The following ESRRB variants were observed in gnomAD, a reference collection of about 807,000 sequenced individuals.
The protein encoded by ESRRB is steroid hormone receptor ERR2.
In ESRRB, 16 loss-of-function variants were observed where a neutral mutation model predicts 46.0. The observed-to-expected ratio is 0.35, with a 90% CI of 0.24 to 0.53. ESRRB has a LOEUF of 0.53. ESRRB is among the 20% of genes least tolerant of loss of function. The probability of loss-of-function intolerance (pLI) is 0.93; values close to 1 mark genes in which losing one functional copy is unlikely to be tolerated. For synonymous variants in ESRRB, 246 were observed against 259.6 expected, an observed-to-expected ratio of 0.95 and a Z score of 0.50; for missense variants, 488 against 607.4, an observed-to-expected ratio of 0.80 and a Z score of 2.07.
chr14:76,347,203 C>T (rs1335551632), intron 1 of ESRRB, among the ~76,000 whole-genome samples: 1 of 152,140 alleles, frequency 6.6e-6, no homozygotes, highest in African/African-American at 2.4e-5. Context: ...AAGGAGGAGT[C>T]CAGACCCTAG....
rs952944083 is a variant in ESRRB at position 76,384,636 on chromosome 14, A to G, written c.50+8185A>G. 3.3e-5 allele frequency among the ~76,000 whole-genome samples: 5 copies of G among 152,002 alleles called. No homozygotes were observed. The East Asian group carries it at 9.6e-4, about 29-fold the overall frequency. On this transcript the variant is annotated intron_variant, in intron 1 of 6. Coordinates refer to ENST00000644823, the MANE Select transcript of ESRRB (RefSeq NM_001379180.1). Reference sequence around the variant, plus strand: ...GTGATGCTGTGCCAAGTTTGACCCCACTACTGCCGGCTTCTATGCCCCGTG... The same window carrying G: ...GTGATGCTGTGCCAAGTTTGACCCCGCTACTGCCGGCTTCTATGCCCCGTG...
chr14:76,401,954 C>A (rs1885964657), intron 1 of ESRRB, among the ~76,000 whole-genome samples: 1 of 152,160 alleles, frequency 6.6e-6, no homozygotes, highest in African/African-American at 2.4e-5. Flanking sequence ...GGAGAGCTGA[C>A]AGTGTAATTC....
intron 2 of ESRRB, among the ~76,000 whole-genome samples, chr14:76,447,751 G>T (rs1888213224): frequency 6.6e-6 from 1 of 151,986 alleles, no homozygotes; most frequent in Non-Finnish European, 1.5e-5. Context: ...CATCCCAGTG[G>T]CCAAGTCTTG....
At chr14:76,330,863 G>A (rs1438475252) in intron 1 of ESRRB, among the ~76,000 whole-genome samples, 1 of 152,102 alleles carries the variant, frequency 6.6e-6, no homozygotes, top group Non-Finnish European at 1.5e-5. Flanking sequence ...ATGCAGGGTG[G>A]GGCTGGCCAC....
intron 1 of ESRRB, among the ~76,000 whole-genome samples, chr14:76,325,479 G>C (rs11624421): frequency 0.12 from 18,180 of 152,090 alleles, 1,406 homozygotes; most frequent in Non-Finnish European, 0.16. Context: ...ACGGAGAAGG[G>C]AAACTTATAT....
intron 1 of ESRRB, among the ~76,000 whole-genome samples, chr14:76,411,031 G>C (rs1886415620): frequency 6.6e-6 from 1 of 151,814 alleles, no homozygotes; most frequent in African/African-American, 2.4e-5. Context: ...TGATCTGCCT[G>C]CTTCAGCCTC....
intron 6 of ESRRB, among the ~76,000 whole-genome samples, chr14:76,494,668 G>GTA (rs1262583924): frequency 6.6e-6 from 1 of 152,146 alleles, no homozygotes; most frequent in African/African-American, 2.4e-5. Context: ...CTACAATGAC[G>GTA]TATCATACAA....
rs1018019923 is a variant in ESRRB at position 76,480,111 on chromosome 14, G to A, written c.578-1905G>A. Among the ~76,000 whole-genome samples, 6 of 152,082 alleles carry A rather than the reference G, an allele frequency of 3.9e-5. No homozygotes were observed. In the East Asian group the frequency reaches 9.6e-4, roughly 24 times the overall value. ...TTGAACTCCTGACCTCAAGGGCTAC[G>A]GCCTCCCAAAGTGCTGGGATTACAG... is the stretch of plus-strand genomic sequence containing the variant. On this transcript the variant is annotated intron_variant, in intron 3 of 6. Transcript: ENST00000644823.
intron 1 of ESRRB, among the ~76,000 whole-genome samples, chr14:76,391,921 G>C (rs1425601220): frequency 6.6e-6 from 1 of 152,184 alleles, no homozygotes; most frequent in Non-Finnish European, 1.5e-5. Flanking sequence ...AGAGGGGCCT[G>C]AGGAACCACC....
chr14:76,429,970 GCCTGCCTT>G (rs906006024), intron 1 of ESRRB, among the ~76,000 whole-genome samples: 46 of 151,406 alleles, frequency 3.0e-4, no homozygotes, highest in South Asian at 1.5e-3. Context: ...CTTCCTTCCT[GCCTGCCTT>G]CCTGCCTTCC....
At chr14:76,354,067 CTGCCTCCCTGCTG>C (rs1884346079) in intron 1 of ESRRB, among the ~76,000 whole-genome samples, 1 of 152,200 alleles carries the variant, frequency 6.6e-6, no homozygotes, top group Non-Finnish European at 1.5e-5. Context: ...CTGGGTCCTG[CTGCCTCCCTGCTG>C]AGCTTTGTGT....
intron 1 of ESRRB, among the ~76,000 whole-genome samples, chr14:76,417,439 T>C (rs1225631822): frequency 6.6e-6 from 1 of 152,204 alleles, no homozygotes; most frequent in Non-Finnish European, 1.5e-5. Context: ...CTGGCTTTTG[T>C]TCCTAGTGTG....
At chr14:76,462,777 G>A in intron 3 of ESRRB, 116 bp downstream of exon 3, 1 of 831,856 alleles carries the variant, frequency 1.2e-6, no homozygotes, top group Non-Finnish European at 2.1e-6. Context: ...GACCCAGTCT[G>A]AGCGCCCATC....
chr14:76,479,268 G>A (rs534909867), intron 3 of ESRRB, among the ~76,000 whole-genome samples: 1 of 148,604 alleles, frequency 6.7e-6, no homozygotes, highest in South Asian at 2.2e-4. Flanking sequence ...TGTGTGTGCT[G>A]ATCTGACGCC....
chr14:76,477,184 G>T (rs1334534670), intron 3 of ESRRB, among the ~76,000 whole-genome samples: 1 of 152,198 alleles, frequency 6.6e-6, no homozygotes, highest in Non-Finnish European at 1.5e-5. Context: ...TGTGTCACAG[G>T]ACCCTCCCAC....
chr14:76,428,147 C>T (rs1370625336), intron 1 of ESRRB, among the ~76,000 whole-genome samples: 1 of 152,130 alleles, frequency 6.6e-6, no homozygotes, highest in Non-Finnish European at 1.5e-5. Flanking sequence ...TACAGGCATG[C>T]ACCACCATGC....
intron 1 of ESRRB, among the ~76,000 whole-genome samples, chr14:76,313,547 C>G (rs1015081640): frequency 2.6e-5 from 4 of 152,132 alleles, no homozygotes; most frequent in Admixed American, 1.3e-4. Flanking sequence ...GGGCAATGAG[C>G]AGGTGCTTTG....
At chr14:76,363,347 C>T (rs934030372) in intron 1 of ESRRB, among the ~76,000 whole-genome samples, 2 of 152,140 alleles carry the variant, frequency 1.3e-5, no homozygotes, top group African/African-American at 2.4e-5. Flanking sequence ...AACTGCTGCC[C>T]ATTTGGACCT....
At chr14:76,315,575 A>G (rs544895260) in intron 1 of ESRRB, among the ~76,000 whole-genome samples, 78 of 152,344 alleles carry the variant, frequency 5.1e-4, no homozygotes, top group Non-Finnish European at 7.3e-4. Flanking sequence ...GTTGTTGGGA[A>G]GATGAAACGC....
Sources: allele counts gnomAD v4.1 joint callset (sites outside exome capture counted in the v4.1 genomes callset), GRCh38; gene constraint gnomAD v4.1.1; transcripts MANE v1.5; gene names NCBI Gene and HGNC (gene_info 2026-07-23, HGNC 2026-07-21).